COBL: variants seen among roughly 807,000 people sequenced by gnomAD.
COBL encodes the protein protein cordon-bleu.
Under a neutral mutation model 98.8 loss-of-function variants are expected in COBL, and 51 were observed. That is an observed-to-expected ratio of 0.52 (90% CI 0.41 to 0.65). COBL has a LOEUF of 0.65. COBL is among the 30% of genes least tolerant of loss of function. The pLI, the probability that COBL is intolerant of heterozygous loss-of-function variation, is 0.00. For missense variants in COBL, 1,617 were observed against 1,617.5 expected (o/e 1.00, Z 0.01); for synonymous variants, 634 against 651.7 (o/e 0.97, Z 0.41).
At chr7:51,194,928 G>C (rs1790453589) in intron 2 of COBL, among the ~76,000 whole-genome samples, 1 of 152,032 alleles carries the variant, frequency 6.6e-6, no homozygotes, top group African/African-American at 2.4e-5. Flanking sequence ...ACCTTTGTCA[G>C]ATGCATAGTT....
In COBL at chr7:51,136,355, A is replaced by G. The variant is rs374998939; in HGVS notation, c.784-24T>C. Reference sequence around the variant, plus strand: ...CCCTGTTGGGGAAGAGACAAACAGAAAACCAAATCAGTATGAGATGACTTC... The same window carrying G: ...CCCTGTTGGGGAAGAGACAAACAGAGAACCAAATCAGTATGAGATGACTTC... On this transcript the variant is annotated intron_variant, in intron 5 of 12. Coordinates refer to ENST00000265136, the MANE Select transcript of COBL (RefSeq NM_015198.5). 12 of 1,599,524 alleles carry G rather than the reference A, an allele frequency of 7.5e-6. No individual in the cohort carries two copies. The African/African-American group carries it at 1.6e-4, about 22-fold the overall frequency.
intron 1 of COBL, among the ~76,000 whole-genome samples, chr7:51,284,924 G>A (rs1006087644): frequency 6.6e-6 from 1 of 151,396 alleles, no homozygotes; most frequent in Non-Finnish European, 1.5e-5. Flanking sequence ...AGGTAAGAGT[G>A]TGTATTCTCA....
chr7:51,216,470 CA>C (rs577491547), intron 2 of COBL, among the ~76,000 whole-genome samples: 1 of 152,144 alleles, frequency 6.6e-6, no homozygotes, highest in Non-Finnish European at 1.5e-5. Flanking sequence ...TGCACCTGAC[CA>C]AAAGATCTTC....
intron 6 of COBL, among the ~76,000 whole-genome samples, chr7:51,117,804 T>C (rs1021245467): frequency 8.5e-5 from 13 of 152,222 alleles, no homozygotes; most frequent in Admixed American, 6.5e-4. Context: ...AGTGTTATGC[T>C]TAGGAGGTTC....
intron 9 of COBL, 56 bp from the exon 10 acceptor site, chr7:51,029,647 T>TGGGA: frequency 7.1e-7 from 1 of 1,412,922 alleles, no homozygotes; most frequent in Non-Finnish European, 9.6e-7. Context: ...TTACTTAGTG[T>TGGGA]AACTGCAGCC....
chr7:51,143,137 T>TG (rs1269639571), intron 5 of COBL, among the ~76,000 whole-genome samples: 1 of 151,264 alleles, frequency 6.6e-6, no homozygotes, highest in Non-Finnish European at 1.5e-5. Context: ...AAGCAAGGAG[T>TG]GGGGGCTTGG....
intron 1 of COBL, among the ~76,000 whole-genome samples, chr7:51,307,746 T>C (rs1481934163): frequency 2.0e-5 from 3 of 152,266 alleles, no homozygotes; most frequent in Non-Finnish European, 4.4e-5. Context: ...GAACACAGTC[T>C]TTGATTATGG....
chr7:51,228,013 A>G (rs1018355791), intron 1 of COBL, among the ~76,000 whole-genome samples: 25 of 152,208 alleles, frequency 1.6e-4, no homozygotes, highest in African/African-American at 6.0e-4. Flanking sequence ...CCAGGGAGAA[A>G]CGACTTTACC....
intron 7 of COBL, among the ~76,000 whole-genome samples, chr7:51,058,112 CT>C (rs924434905): frequency 1.2e-3 from 174 of 148,552 alleles, no homozygotes; most frequent in African/African-American, 3.6e-3. Context: ...TTTTGGTAAT[CT>C]TTTTTTTTTA....
intron 1 of COBL, among the ~76,000 whole-genome samples, chr7:51,289,713 T>G (rs1800709622): frequency 6.6e-6 from 1 of 152,256 alleles, no homozygotes; most frequent in Non-Finnish European, 1.5e-5. Context: ...TGAACAGCAG[T>G]GATCAGAACA....
At chr7:51,024,036 G>T (rs1251663693) in intron 12 of COBL, among the ~76,000 whole-genome samples, 1 of 152,184 alleles carries the variant, frequency 6.6e-6, no homozygotes, top group African/African-American at 2.4e-5. Context: ...TTTGCCGGGC[G>T]CAGTGGCTCA....
At chr7:51,062,873 G>C (rs1455814481) in intron 7 of COBL, among the ~76,000 whole-genome samples, 1 of 152,136 alleles carries the variant, frequency 6.6e-6, no homozygotes. Flanking sequence ...AGAGCGCTGG[G>C]GCACACACAG....
At chr7:51,246,852 A>T (rs1032675374) in intron 1 of COBL, among the ~76,000 whole-genome samples, 1 of 152,176 alleles carries the variant, frequency 6.6e-6, no homozygotes, top group African/African-American at 2.4e-5. Flanking sequence ...AAACTACATG[A>T]ACAATAAATG....
At chr7:51,273,837 C>G (rs1376306973) in intron 1 of COBL, among the ~76,000 whole-genome samples, 1 of 152,138 alleles carries the variant, frequency 6.6e-6, no homozygotes, top group Non-Finnish European at 1.5e-5. Context: ...TTGGGAATGC[C>G]AACGCCTCAT....
In COBL at chr7:51,028,438, C is replaced by T. The variant is rs572001214; in HGVS notation, c.2658G>A (p.Val886=). The change falls in exon 10 of 13, where the codon GTG becomes GTA. Residue 886 remains valine, a synonymous_variant. Coordinates refer to ENST00000265136, the MANE Select transcript of COBL (RefSeq NM_015198.5). ...IGAPKVHADV[V]RPHGYAEKGY... is the part of the protein sequence containing the mutation. ...CCTTCTCGGCATAACCGTGTGGCCT[C>T]ACCACATCAGCATGGACTTTTGGGG... is the stretch of plus-strand genomic sequence containing the variant. The T allele has an allele frequency of 4.3e-6, 7 of 1,614,276 alleles. No homozygotes were observed. The African/African-American group carries it at 5.3e-5, about 12-fold the overall frequency.
intron 5 of COBL, among the ~76,000 whole-genome samples, chr7:51,166,101 G>T (rs1562986223): frequency 1.3e-5 from 2 of 151,462 alleles, no homozygotes; most frequent in African/African-American, 2.4e-5. Flanking sequence ...GTAGGAAAAA[G>T]AAATAATAAT....
chr7:51,019,442 T>C (rs1359743411), intron 12 of COBL, among the ~76,000 whole-genome samples: 2 of 152,176 alleles, frequency 1.3e-5, no homozygotes, highest in South Asian at 4.1e-4. Context: ...GGAAAAATTA[T>C]GTGACGCTGT....
rs143573104 is a variant in COBL at position 51,025,171 on chromosome 7, C to T, written c.3706G>A (p.Asp1236Asn). 4.8e-5 allele frequency: 73 copies of T among 1,505,354 alleles called. No homozygotes were observed. The highest frequency in any genetic ancestry group is 6.4e-5 in the Non-Finnish European group (71 of 1,113,496). 93.2% of individuals were successfully genotyped at this position (1,505,354 alleles called of 1,614,324 possible). Residue 1236 changes from aspartate (D) to asparagine (N), a missense_variant, in exon 12 of 13, where the codon GAC becomes AAC. Asp to Asn is a conservative substitution (Grantham distance 23). This residue lies in a region of COBL where 1,304 missense variants were observed against 1,282.0 expected (regional missense o/e 1.02). Transcript: ENST00000265136. The part of the protein sequence containing the change: ...FSTGTLSNTA[D>N]ARQALMDAIR... ...GCGTCCATCAAGGCTTGCCTTGCGT[C>T]TGCGGTGTTGCTGAGGGTGCCCGTG...
intron 7 of COBL, chr7:51,065,271 G>A (rs1005664674): frequency 2.8e-6 from 2 of 703,298 alleles, no homozygotes; most frequent in African/African-American, 3.5e-5. Flanking sequence ...CCAAGAGAAG[G>A]CTGAGCAGTG....
Sources: gnomAD v4.1 joint callset for allele counts (sites outside exome capture counted in the v4.1 genomes callset) on GRCh38, gnomAD v4.1.1 for gene constraint, gnomAD v4.1.1 regional missense constraint, MANE v1.5 for transcripts, NCBI Gene and HGNC (gene_info 2026-07-23, HGNC 2026-07-21) for gene names.